PDGFRL: variants seen among roughly 807,000 people sequenced by gnomAD.
PDGFRL encodes the protein platelet-derived growth factor receptor-like protein.
PDGFRL carries 46 observed loss-of-function variants against 37.2 expected under a neutral mutation model. The ratio of observed to expected loss-of-function variants is 1.24; its 90% CI spans 0.98 to 1.58. The LOEUF (loss-of-function observed/expected upper bound fraction) is 1.58. PDGFRL is among the 40% of genes most tolerant of loss of function. The pLI, the probability that PDGFRL is intolerant of heterozygous loss-of-function variation, is 0.00. For synonymous variants in PDGFRL, 251 were observed against 184.3 expected, an observed-to-expected ratio of 1.36 and a Z score of -2.93; for missense variants, 692 against 467.6, an observed-to-expected ratio of 1.48 and a Z score of -4.43.
At chr8:17,641,632 A>G (rs540053602) in intron 5 of PDGFRL, among the ~76,000 whole-genome samples, 12 of 152,294 alleles carry the variant, frequency 7.9e-5, no homozygotes, top group South Asian at 2.1e-4. Flanking sequence ...CATAAAAGCA[A>G]TTGCAGCGTA....
chr8:17,581,368 C>G (rs1803704142), intron 1 of PDGFRL, among the ~76,000 whole-genome samples: 1 of 152,108 alleles, frequency 6.6e-6, no homozygotes, highest in African/African-American at 2.4e-5. Flanking sequence ...CCTTGTAGGG[C>G]ATGGGAAGAT....
At position 17,637,689 on chromosome 8, in the gene PDGFRL, T is replaced by C. The variant is rs150326327; in HGVS notation, c.939+3476T>C. Among the ~76,000 whole-genome samples the C allele has an allele frequency of 3.2e-4, 49 of 152,342 alleles. No individual in the cohort carries two copies. The East Asian group carries it at 7.1e-3, about 22-fold the overall frequency. On this transcript the variant is annotated intron_variant, in intron 5 of 5. Coordinates refer to ENST00000251630, the MANE Select transcript of PDGFRL (RefSeq NM_001372073.1). Reference sequence around the variant, plus strand: ...CTGATAGAATTCATTTGTGAATCCATCTGATTCTGGGCTTATTTTTGTTGG... The same window carrying C: ...CTGATAGAATTCATTTGTGAATCCACCTGATTCTGGGCTTATTTTTGTTGG...
intron 1 of PDGFRL, among the ~76,000 whole-genome samples, chr8:17,580,587 A>G (rs1803685350): frequency 6.6e-6 from 1 of 152,150 alleles, no homozygotes; most frequent in African/African-American, 2.4e-5. Context: ...TGTGGTGCTC[A>G]ATGAAGGGAG....
rs543916749 is a variant in PDGFRL at position 17,638,605 on chromosome 8, TTC to T, written c.940-4006_940-4005del. Among the ~76,000 whole-genome samples, 17 of 151,604 alleles carry T rather than the reference TTC, an allele frequency of 1.1e-4. No individual in the cohort carries two copies. In the East Asian group the frequency reaches 3.3e-3, roughly 30 times the overall value. ...TAAATCCATTGTTTCTTTGTTGATG[TTC>T]TGTCTTGATTACCTATCTATTGCTG... On this transcript the variant is annotated intron_variant, in intron 5 of 5. Transcript: ENST00000251630.
chr8:17,586,027 CTGCAACCTCCGTG>C (rs1803807840), intron 1 of PDGFRL, among the ~76,000 whole-genome samples: 1 of 151,974 alleles, frequency 6.6e-6, no homozygotes, highest in Non-Finnish European at 1.5e-5. Flanking sequence ...TCTCAGCTCA[CTGCAACCTCCGTG>C]TCCCAGGATC....
At chr8:17,640,234 T>G (rs2129859254) in intron 5 of PDGFRL, among the ~76,000 whole-genome samples, 1 of 152,362 alleles carries the variant, frequency 6.6e-6, no homozygotes, top group South Asian at 2.1e-4. Context: ...CTCTGATGCC[T>G]CCTTGAGTAG....
chr8:17,595,164 G>A (rs1804025466), intron 2 of PDGFRL, among the ~76,000 whole-genome samples: 2 of 152,146 alleles, frequency 1.3e-5, no homozygotes, highest in African/African-American at 4.8e-5. Flanking sequence ...CCCAGAGCAA[G>A]GCCCCCCATT....
At chr8:17,601,858 G>A (rs4644301) in intron 2 of PDGFRL, among the ~76,000 whole-genome samples, 1 of 151,940 alleles carries the variant, frequency 6.6e-6, no homozygotes, top group Non-Finnish European at 1.5e-5. Context: ...TTTTCTTTAT[G>A]CAGTCTACTA....
chr8:17,583,793 C>T (rs575408471), intron 1 of PDGFRL, among the ~76,000 whole-genome samples: 1 of 152,268 alleles, frequency 6.6e-6, no homozygotes, highest in East Asian at 1.9e-4. Flanking sequence ...CCTCCCCTCT[C>T]TCTCTCTCTT....
chr8:17,640,088 A>C (rs1805059397), intron 5 of PDGFRL, among the ~76,000 whole-genome samples: 1 of 152,058 alleles, frequency 6.6e-6, no homozygotes, highest in East Asian at 1.9e-4. Context: ...TTTCCAATGT[A>C]TTTTGCATTT....
intron 2 of PDGFRL, among the ~76,000 whole-genome samples, chr8:17,598,622 G>A (rs1804101947): frequency 1.3e-5 from 2 of 152,196 alleles, no homozygotes; most frequent in African/African-American, 2.4e-5. Context: ...AAGTATTAAT[G>A]TATTTCATAT....
intron 3 of PDGFRL, among the ~76,000 whole-genome samples, chr8:17,624,178 G>A (rs563449597): frequency 6.6e-6 from 1 of 152,286 alleles, no homozygotes; most frequent in South Asian, 2.1e-4. Context: ...TACAGAAGCT[G>A]AGGTTCTCAC....
chr8:17,639,671 A>G (rs1201462424), intron 5 of PDGFRL, among the ~76,000 whole-genome samples: 7 of 152,150 alleles, frequency 4.6e-5, no homozygotes, highest in Non-Finnish European at 1.0e-4. Context: ...GTTTTCCTTT[A>G]TAAGTTATCT....
At chr8:17,583,572 T>G (rs1446334350) in intron 1 of PDGFRL, among the ~76,000 whole-genome samples, 1 of 152,132 alleles carries the variant, frequency 6.6e-6, no homozygotes, top group Non-Finnish European at 1.5e-5. Flanking sequence ...GGGCCAGAGG[T>G]GCAATGCTAT....
In PDGFRL at chr8:17,595,313, C is replaced by A. The variant is rs147335618; in HGVS notation, c.353+5548C>A. Among the ~76,000 whole-genome samples the A allele has an allele frequency of 5.8e-3, 878 of 152,292 alleles. 9 individuals are homozygous for A. Among genetic ancestry groups the A allele is most frequent in the African/African-American group, 0.02 (845 of 41,574 alleles). ...GCGTTCAAAGCCTTTCCAAGTTCCA[C>A]TTGAGTTTTCCTGCTCCCAAAGGTG... is the stretch of plus-strand genomic sequence containing the variant. On this transcript the variant is annotated intron_variant, in intron 2 of 5. Transcript: ENST00000251630.
intron 2 of PDGFRL, among the ~76,000 whole-genome samples, chr8:17,590,685 C>T (rs981000926): frequency 6.6e-6 from 1 of 151,880 alleles, no homozygotes; most frequent in Non-Finnish European, 1.5e-5. Flanking sequence ...GCACTCCAGC[C>T]TGGGTGACAG....
chr8:17,620,700 G>A lies in PDGFRL; in HGVS notation c.354-351G>A, dbSNP rs572560945. 1.5e-3 allele frequency among the ~76,000 whole-genome samples: 227 copies of A among 152,150 alleles called. 2 individuals carry two copies. Among genetic ancestry groups the A allele is most frequent in the African/African-American group, 5.1e-3 (211 of 41,536 alleles). On this transcript the variant is annotated intron_variant, in intron 2 of 5. Transcript: ENST00000251630. ...AAACAGTAGTAAAATCCAGAAATACGGTTATGAATAAAATTTTTTGAATTG... is the reference window on the plus strand; with the variant it reads ...AAACAGTAGTAAAATCCAGAAATACAGTTATGAATAAAATTTTTTGAATTG...
At chr8:17,626,671 T>A (rs959739555) in intron 3 of PDGFRL, among the ~76,000 whole-genome samples, 1 of 152,144 alleles carries the variant, frequency 6.6e-6, no homozygotes, top group Non-Finnish European at 1.5e-5. Flanking sequence ...AGATTTCTCT[T>A]TGCAAATACT....
At chr8:17,642,422 T>G (rs1243579782) in intron 5 of PDGFRL, among the ~76,000 whole-genome samples, 191 bp from the exon 6 acceptor site, 1 of 152,190 alleles carries the variant, frequency 6.6e-6, no homozygotes, top group African/African-American at 2.4e-5. Flanking sequence ...CAAGGGCTGT[T>G]TGGAAAAAAT....
Sources: gnomAD v4.1 joint callset for allele counts (sites outside exome capture counted in the v4.1 genomes callset) on GRCh38, gnomAD v4.1.1 for gene constraint, MANE v1.5 for transcripts, NCBI Gene and HGNC (gene_info 2026-07-23, HGNC 2026-07-21) for gene names.